SIPA1L3: variants seen among roughly 807,000 people sequenced by gnomAD.
SIPA1L3 encodes the protein signal-induced proliferation-associated 1-like protein 3.
SIPA1L3 carries 59 observed loss-of-function variants against 150.1 expected under a neutral mutation model. The observed-to-expected ratio is 0.39, with a 90% CI of 0.32 to 0.49. The LOEUF (loss-of-function observed/expected upper bound fraction) is 0.49, where lower values mean the gene tolerates loss of function less well. Among genes scored for constraint, SIPA1L3 ranks in the 20% least tolerant of loss-of-function variants. The pLI is 0.86. For synonymous variants in SIPA1L3, 1,070 were observed against 1,077.6 expected (o/e 0.99, Z 0.14); for missense variants, 2,211 against 2,489.5 (o/e 0.89, Z 2.38).
At chr19:38,000,302 A>G (rs2145655344) in intron 1 of SIPA1L3, among the ~76,000 whole-genome samples, 1 of 152,070 alleles carries the variant, frequency 6.6e-6, no homozygotes, top group Admixed American at 6.5e-5. Flanking sequence ...CCCTGTCTCT[A>G]CTAAAAATTA....
At chr19:37,942,143 T>C (rs949889026) in intron 1 of SIPA1L3, among the ~76,000 whole-genome samples, 4 of 152,198 alleles carry the variant, frequency 2.6e-5, no homozygotes. Context: ...GAACATCACA[T>C]ATGCTTCCAG....
intron 9 of SIPA1L3, among the ~76,000 whole-genome samples, chr19:38,123,257 T>G (rs991077384): frequency 6.7e-6 from 1 of 149,760 alleles, no homozygotes; most frequent in African/African-American, 2.5e-5. Flanking sequence ...TTTGGAGTTT[T>G]TTTTTTGTTT....
intron 15 of SIPA1L3, 93 bp from the exon 16 acceptor site, chr19:38,182,426 T>TA: frequency 1.0e-6 from 1 of 974,962 alleles, no homozygotes; most frequent in Non-Finnish European, 1.6e-6. Flanking sequence ...CAAATGAACT[T>TA]TTTTGATTCC....
chr19:38,098,882 T>C (rs898879527), intron 4 of SIPA1L3, among the ~76,000 whole-genome samples: 1 of 152,242 alleles, frequency 6.6e-6, no homozygotes, highest in African/African-American at 2.4e-5. Context: ...AAATATGCCA[T>C]GTATGCAAAC....
At chr19:38,096,976 A>G (rs1210995577) in intron 4 of SIPA1L3, among the ~76,000 whole-genome samples, 1 of 152,226 alleles carries the variant, frequency 6.6e-6, no homozygotes, top group Non-Finnish European at 1.5e-5. Flanking sequence ...GAAAAGGAGT[A>G]AAACGTCAGC....
Position 38,130,756 on chromosome 19 carries a change from G to T in SIPA1L3, c.3127G>T (p.Asp1043Tyr), listed in dbSNP as rs775567108. Residue 1043 changes from aspartate (D) to tyrosine (Y), a missense_variant, in exon 10 of 22, where the codon GAC becomes TAC. Asp to Tyr is a radical substitution (Grantham distance 160). Coordinates refer to ENST00000222345, the MANE Select transcript of SIPA1L3 (RefSeq NM_015073.3). ...VKVVIIPPFE[D>Y]GTPRRGWPET... is the part of the protein sequence containing the mutation. ...GGTGGTCATCATCCCGCCTTTTGAG[G>T]ACGGCACTCCCCGGAGGTAAGGGCC... 5.6e-6 allele frequency: 9 copies of T among 1,607,604 alleles called. No individual in the cohort carries two copies. The highest frequency in any genetic ancestry group is 8.5e-7 in the Non-Finnish European group (1 of 1,174,972).
intron 2 of SIPA1L3, among the ~76,000 whole-genome samples, chr19:38,062,656 C>T (rs1296696158): frequency 6.6e-6 from 1 of 151,970 alleles, no homozygotes. Context: ...ACTCTGTTGC[C>T]CAGGCTGTAG....
At chr19:38,111,475 T>C (rs1970740717) in intron 8 of SIPA1L3, among the ~76,000 whole-genome samples, 1 of 152,210 alleles carries the variant, frequency 6.6e-6, no homozygotes, top group Admixed American at 6.5e-5. Context: ...TTATTTATAG[T>C]CTGATTGCGC....
chr19:37,950,196 C>T (rs947041736), intron 1 of SIPA1L3, among the ~76,000 whole-genome samples: 1 of 152,000 alleles, frequency 6.6e-6, no homozygotes, highest in Non-Finnish European at 1.5e-5. Context: ...AGTTTTCTCA[C>T]CTGTAAAATG....
chr19:38,170,404 C>A (rs536154118), intron 15 of SIPA1L3, among the ~76,000 whole-genome samples: 4 of 152,138 alleles, frequency 2.6e-5, no homozygotes, highest in South Asian at 2.1e-4. Flanking sequence ...AGCAGCCCCC[C>A]TCATGTGCTG....
At position 37,924,691 on chromosome 19, in the gene SIPA1L3, A is replaced by G. The variant is rs569760405; in HGVS notation, c.-379+17333A>G. ...AGACTCTATCTCAAAAAAAAAAAAA[A>G]AAGTATATATACTAAATATGTAAAC... is the stretch of plus-strand genomic sequence containing the variant. On this transcript the variant is annotated intron_variant, in intron 1 of 21. Coordinates refer to ENST00000222345, the MANE Select transcript of SIPA1L3 (RefSeq NM_015073.3). Among the ~76,000 whole-genome samples, 589 of 151,222 alleles carry G rather than the reference A, an allele frequency of 3.9e-3. 3 individuals carry two copies. Among genetic ancestry groups the G allele is most frequent in the African/African-American group, 0.014 (567 of 41,286 alleles).
At chr19:37,971,401 G>C (rs1725481) in intron 1 of SIPA1L3, among the ~76,000 whole-genome samples, 44,455 of 151,864 alleles carry the variant, frequency 0.29, 8,052 homozygotes, top group East Asian at 0.68. Flanking sequence ...ACCCATTCCC[G>C]CTTCCCTGAT....
At chr19:37,947,923 G>T (rs1793831553) in intron 1 of SIPA1L3, among the ~76,000 whole-genome samples, 1 of 152,178 alleles carries the variant, frequency 6.6e-6, no homozygotes, top group African/African-American at 2.4e-5. Context: ...CTCTGCCTCT[G>T]CCCTGGCCAA....
intron 2 of SIPA1L3, among the ~76,000 whole-genome samples, chr19:38,052,723 G>A (rs902002391): frequency 1.1e-4 from 16 of 152,250 alleles, no homozygotes; most frequent in African/African-American, 3.6e-4. Context: ...GGTTGCCAGG[G>A]TAACCTGAGG....
chr19:38,023,652 A>T (rs1441695601), intron 1 of SIPA1L3, among the ~76,000 whole-genome samples: 4 of 152,348 alleles, frequency 2.6e-5, no homozygotes, highest in African/African-American at 9.6e-5. Flanking sequence ...TGCCACAGTG[A>T]TGCTCTGGCG....
At chr19:38,057,699 T>G (rs1969352248) in intron 2 of SIPA1L3, among the ~76,000 whole-genome samples, 1 of 151,710 alleles carries the variant, frequency 6.6e-6, no homozygotes, top group South Asian at 2.1e-4. Context: ...CAGGCTGGAG[T>G]GCAGTGGCGC....
intron 1 of SIPA1L3, among the ~76,000 whole-genome samples, chr19:37,929,773 A>AT (rs1362961955): frequency 1.3e-5 from 2 of 152,218 alleles, no homozygotes; most frequent in African/African-American, 4.8e-5. Context: ...GGGCCAGCGC[A>AT]TGGTAAGTAC....
chr19:37,952,040 A>AG (rs2046769452), intron 1 of SIPA1L3, among the ~76,000 whole-genome samples: 1 of 151,422 alleles, frequency 6.6e-6, no homozygotes, highest in African/African-American at 2.4e-5. Flanking sequence ...GGAAGGGAGG[A>AG]GGTGAGTCAG....
At chr19:38,142,791 C>G in intron 12 of SIPA1L3, 81 bp downstream of exon 12, 2 of 1,492,470 alleles carry the variant, frequency 1.3e-6, no homozygotes, top group Admixed American at 1.9e-5. Context: ...TGCACACCCC[C>G]ACAATTCTAG....
Sources: gnomAD v4.1 joint callset for allele counts (sites outside exome capture counted in the v4.1 genomes callset) on GRCh38, gnomAD v4.1.1 for gene constraint, MANE v1.5 for transcripts, NCBI Gene and HGNC (gene_info 2026-07-23, HGNC 2026-07-21) for gene names.